HS2ST1: variants seen among roughly 807,000 people sequenced by gnomAD.
The protein encoded by HS2ST1 is 2-O-sulfotransferase.
HS2ST1 carries 18 observed loss-of-function variants against 42.9 expected under a neutral mutation model. That is an observed-to-expected ratio of 0.42 (90% CI 0.29 to 0.62). HS2ST1 has a LOEUF of 0.62. HS2ST1 is among the 20% of genes least tolerant of loss of function. HS2ST1 has a pLI of 0.21. For missense variants in HS2ST1, 334 were observed against 433.8 expected (o/e 0.77, Z 2.04); for synonymous variants, 146 against 152.9 (o/e 0.95, Z 0.33).
At chr1:86,953,239 G>T (rs190833840) in intron 1 of HS2ST1, among the ~76,000 whole-genome samples, 1 of 152,200 alleles carries the variant, frequency 6.6e-6, no homozygotes, top group African/African-American at 2.4e-5. Flanking sequence ...TTGCTCTGGG[G>T]TAGGCTTTGA....
chr1:86,931,752 A>G (rs1660549281), intron 1 of HS2ST1, among the ~76,000 whole-genome samples: 1 of 152,108 alleles, frequency 6.6e-6, no homozygotes, highest in Non-Finnish European at 1.5e-5. Context: ...ATTGTTGAGC[A>G]CATTTTGACA....
At chr1:86,966,308 C>G (rs1227607772) in intron 1 of HS2ST1, among the ~76,000 whole-genome samples, 1 of 152,156 alleles carries the variant, frequency 6.6e-6, no homozygotes, top group African/African-American at 2.4e-5. Flanking sequence ...ATATGCTTCT[C>G]TTTCCTCTCT....
intron 1 of HS2ST1, among the ~76,000 whole-genome samples, chr1:86,933,185 G>A (rs1327858731): frequency 6.6e-6 from 1 of 150,682 alleles, no homozygotes; most frequent in Admixed American, 6.6e-5. Flanking sequence ...TCCCTCTTGA[G>A]TTCTTTGAGC....
chr1:86,917,452 G>A (rs1660187259), intron 1 of HS2ST1, among the ~76,000 whole-genome samples: 1 of 151,624 alleles, frequency 6.6e-6, no homozygotes, highest in South Asian at 2.1e-4. Flanking sequence ...CTGGGAGGCA[G>A]AGATTGCAGT....
intron 1 of HS2ST1, among the ~76,000 whole-genome samples, chr1:86,965,443 C>T (rs985553467): frequency 3.9e-5 from 6 of 152,246 alleles, no homozygotes; most frequent in Admixed American, 2.6e-4. Flanking sequence ...TTGCTGCCCT[C>T]TTCTGGCTGA....
chr1:87,044,288 G>A (rs1650591115), intron 1 of HS2ST1, among the ~76,000 whole-genome samples: 1 of 151,998 alleles, frequency 6.6e-6, no homozygotes, highest in Non-Finnish European at 1.5e-5. Flanking sequence ...GAATGCAGAT[G>A]CCATTTATTT....
chr1:87,092,737 T>G, intron 4 of HS2ST1, 68 bp downstream of exon 4: 1 of 983,588 alleles, frequency 1.0e-6, no homozygotes, highest in Non-Finnish European at 1.4e-6. Flanking sequence ...AATGTGCTTT[T>G]AAAATTTGTT....
Position 87,107,706 on chromosome 1 carries a change from ACTC to A in HS2ST1, c.*3014_*3016del, listed in dbSNP as rs1652358069. The A allele has an allele frequency of 6.6e-6, 1 of 151,810 alleles. No homozygotes were observed. The highest frequency in any genetic ancestry group is 1.9e-4 in the East Asian group (1 of 5,182). 9.4% of individuals were successfully genotyped at this position (151,810 alleles called of 1,614,324 possible). A position where few individuals can be genotyped will look rare whatever the true frequency, so the allele number is the denominator to read the frequency against. ...ATACCTTTCTGTTCAACTTGTATCA[ACTC>A]CTCTTTTCTAATTGCTGTGAAATGG... is the stretch of plus-strand genomic sequence containing the variant. On this transcript the variant is annotated 3_prime_UTR_variant, in exon 7 of 7. Coordinates refer to ENST00000370550, the MANE Select transcript of HS2ST1 (RefSeq NM_012262.4).
chr1:87,077,394 C>T (rs138956380), intron 2 of HS2ST1, among the ~76,000 whole-genome samples: 13 of 152,252 alleles, frequency 8.5e-5, no homozygotes, highest in African/African-American at 2.4e-4. Flanking sequence ...TTAAGGCCTC[C>T]GCACTTATCC....
At chr1:86,981,725 A>G (rs1180640127) in intron 1 of HS2ST1, among the ~76,000 whole-genome samples, 1 of 152,238 alleles carries the variant, frequency 6.6e-6, no homozygotes. Flanking sequence ...TGCAGGGTAT[A>G]GCCCTTGTGG....
At chr1:86,980,364 T>C (rs999155487) in intron 1 of HS2ST1, among the ~76,000 whole-genome samples, 1 of 152,176 alleles carries the variant, frequency 6.6e-6, no homozygotes, top group Non-Finnish European at 1.5e-5. Flanking sequence ...GAATATATAT[T>C]GCAAGATTGT....
intron 1 of HS2ST1, among the ~76,000 whole-genome samples, chr1:86,944,835 T>TTA (rs1647282416): frequency 1.3e-5 from 2 of 151,994 alleles, no homozygotes; most frequent in African/African-American, 4.8e-5. Flanking sequence ...GCCTTTTTGC[T>TTA]TATGTTCATT....
chr1:86,932,280 G>C (rs1660560582), intron 1 of HS2ST1: 2 of 152,080 alleles, frequency 1.3e-5, no homozygotes, highest in Non-Finnish European at 2.9e-5. Context: ...AGAGTAAAAA[G>C]ATAAGAGACT....
chr1:86,944,662 C>A (rs984294232), intron 1 of HS2ST1, among the ~76,000 whole-genome samples: 7 of 152,180 alleles, frequency 4.6e-5, no homozygotes, highest in African/African-American at 1.7e-4. Flanking sequence ...CCAAAATTGA[C>A]ATGCTTTTCT....
chr1:87,048,067 A>T (rs77115313), intron 1 of HS2ST1, among the ~76,000 whole-genome samples: 8,903 of 152,226 alleles, frequency 0.058, 354 homozygotes, highest in Middle Eastern at 0.088. Context: ...TGAATGTGGC[A>T]TATCTATTTA....
intron 1 of HS2ST1, among the ~76,000 whole-genome samples, chr1:86,928,903 A>T (rs1660477368): frequency 6.6e-6 from 1 of 151,834 alleles, no homozygotes; most frequent in Non-Finnish European, 1.5e-5. Context: ...CTGACTTGAT[A>T]TGTACCTTTT....
In HS2ST1 at chr1:87,062,316, G is replaced by C. The variant is rs548803426; in HGVS notation, c.125-10618G>C. On this transcript the variant is annotated intron_variant, in intron 1 of 6. Coordinates refer to ENST00000370550, the MANE Select transcript of HS2ST1 (RefSeq NM_012262.4). ...GTTACTTATATTTTTTTTTAGAATT[G>C]CATTTTGATTTGAGTTTAATGTCTT... Among the ~76,000 whole-genome samples the C allele has an allele frequency of 1.2e-3, 181 of 149,616 alleles. 1 individual carries two copies. Among genetic ancestry groups the C allele is most frequent in the African/African-American group, 4.2e-3 (170 of 40,678 alleles).
intron 1 of HS2ST1, among the ~76,000 whole-genome samples, chr1:87,034,935 A>G (rs1337473320): frequency 6.6e-6 from 1 of 152,196 alleles, no homozygotes; most frequent in Non-Finnish European, 1.5e-5. Flanking sequence ...GGTAGTCTCA[A>G]TGTAATTTCA....
rs79281270 is a variant in HS2ST1, at chr1:86,997,651, C to A, written c.125-75283C>A. Among the ~76,000 whole-genome samples the A allele has an allele frequency of 2.6e-4, 40 of 152,210 alleles. No individual in the cohort carries two copies. In the East Asian group the frequency reaches 3.5e-3, roughly 13 times the overall value. On this transcript the variant is annotated intron_variant, in intron 1 of 6. Coordinates refer to ENST00000370550, the MANE Select transcript of HS2ST1 (RefSeq NM_012262.4). ...AAAATACAGTAGTCCCCTCCTTATC[C>A]ATGGGGAATATGTTCTAAGACCCCC...
Sources: gnomAD v4.1 joint callset for allele counts (sites outside exome capture counted in the v4.1 genomes callset) on GRCh38, gnomAD v4.1.1 for gene constraint, MANE v1.5 for transcripts, NCBI Gene and HGNC (gene_info 2026-07-23, HGNC 2026-07-21) for gene names.